Variants in PTCD1 observed in about 807,000 individuals in gnomAD.
The protein encoded by PTCD1 is pentatricopeptide repeat domain 1.
PTCD1 carries 50 observed loss-of-function variants against 53.4 expected under a neutral mutation model. The observed-to-expected ratio is 0.94, with a 90% CI of 0.75 to 1.19. PTCD1 has a LOEUF of 1.19. Among genes scored for constraint, PTCD1 ranks in the 50% most tolerant of loss-of-function variants. The pLI, the probability that PTCD1 is intolerant of heterozygous loss-of-function variation, is 0.00. For missense variants in PTCD1, 918 were observed against 904.8 expected (o/e 1.01, Z -0.19); for synonymous variants, 413 against 394.8 (o/e 1.05, Z -0.55).
At position 99,421,598 on chromosome 7, in the gene PTCD1, C is replaced by T. The variant is rs139819601; in HGVS notation, c.1921-1449G>A. 1.4e-3 allele frequency among the ~76,000 whole-genome samples: 211 copies of T among 148,392 alleles called. 1 individual carries two copies. Among genetic ancestry groups the T allele is most frequent in the African/African-American group, 5.1e-3 (203 of 40,092 alleles). On this transcript the variant is annotated intron_variant, in intron 7 of 7. Coordinates refer to ENST00000292478, the MANE Select transcript of PTCD1 (RefSeq NM_015545.4). ...TCTCTACTAAAAAAAAAAAAAAAAC[C>T]ACAAAAATTAGCCTGGTGTGGTGGC...
intron 5 of PTCD1, among the ~76,000 whole-genome samples, chr7:99,428,330 G>C (rs1796131368): frequency 6.7e-6 from 1 of 149,916 alleles, no homozygotes; most frequent in Non-Finnish European, 1.5e-5. Context: ...GTGAACCCAG[G>C]AGGTGGAGCT....
intron 3 of PTCD1, among the ~76,000 whole-genome samples, chr7:99,432,007 C>CGCCATTCTCCA (rs1245729749): frequency 6.6e-6 from 1 of 152,158 alleles, no homozygotes; most frequent in Non-Finnish European, 1.5e-5. Context: ...TAAAAGTCAT[C>CGCCATTCTCCA]GCCATTCTCC....
intron 3 of PTCD1, chr7:99,432,885 C>CA (rs1796316641): frequency 3.0e-6 from 1 of 330,498 alleles, no homozygotes; most frequent in South Asian, 2.6e-5. Context: ...CCCACCTCTA[C>CA]AAAAAACTTA....
At chr7:99,422,774 G>C (rs1795872262) in intron 7 of PTCD1, among the ~76,000 whole-genome samples, 1 of 152,152 alleles carries the variant, frequency 6.6e-6, no homozygotes, top group African/African-American at 2.4e-5. Flanking sequence ...GTACAGTAAA[G>C]AACCAGGCAA....
In PTCD1 at chr7:99,429,107, A is replaced by T. The variant is rs909616452; in HGVS notation, c.911T>A (p.Leu304His). Residue 304 changes from leucine (L) to histidine (H), a missense_variant, in exon 5 of 8, where the codon CTC (leucine) becomes CAC (histidine). Leu to His is a moderately conservative substitution (Grantham distance 99, BLOSUM62 -3). Coordinates refer to ENST00000292478, the MANE Select transcript of PTCD1 (RefSeq NM_015545.4). ...QDKKTGFRYA[L>H]QVWRLMLSLG... ...GGTGGGGTGGGAGGGACATACCTGG[A>T]GGGCGTACCGGAAGCCTGTCTTCTT... is the stretch of plus-strand genomic sequence containing the variant. 6.2e-7 allele frequency: 1 copy of T among 1,614,142 alleles called. No individual in the cohort carries two copies. The highest frequency in any genetic ancestry group is 8.5e-7 in the Non-Finnish European group (1 of 1,180,006).
At chr7:99,430,707 C>G (rs1170078818) in intron 3 of PTCD1, among the ~76,000 whole-genome samples, 2 of 152,240 alleles carry the variant, frequency 1.3e-5, no homozygotes, top group Non-Finnish European at 2.9e-5. Context: ...CTGGGGTTAG[C>G]AGAGCGGGCA....
chr7:99,438,312 A>G lies in PTCD1; in HGVS notation c.-27+380T>C, dbSNP rs867058911. 6.6e-5 allele frequency among the ~76,000 whole-genome samples: 8 copies of G among 121,218 alleles called. No homozygotes were observed. The South Asian group carries it at 2.2e-3, about 33-fold the overall frequency. 79.5% of individuals were successfully genotyped at this position (121,218 alleles called of 152,430 possible). ...CTACAAAAATTAAAAATAAAATTTT[A>G]AAAATTAGCCAAGTGTGGTGGTGCA... is the stretch of plus-strand genomic sequence containing the variant. On this transcript the variant is annotated intron_variant, in intron 1 of 7. Transcript: ENST00000292478.
intron 7 of PTCD1, among the ~76,000 whole-genome samples, chr7:99,420,819 T>C (rs1291236487): frequency 1.3e-5 from 2 of 152,082 alleles, no homozygotes; most frequent in African/African-American, 2.4e-5. Context: ...TGGCGGTGCA[T>C]GCCTGTAGCC....
chr7:99,427,461 C>T (rs1192687167), intron 5 of PTCD1, among the ~76,000 whole-genome samples: 1 of 150,066 alleles, frequency 6.7e-6, no homozygotes, highest in East Asian at 2.0e-4. Flanking sequence ...AGGCCAGCCG[C>T]CCCGTCCGGG....
chr7:99,434,768 C>A, intron 2 of PTCD1, 22 bp downstream of exon 2: 1 of 1,613,406 alleles, frequency 6.2e-7, no homozygotes, highest in Non-Finnish European at 8.5e-7. Flanking sequence ...CCAGGAGCCA[C>A]AGAACCCAAA....
intron 1 of PTCD1, among the ~76,000 whole-genome samples, chr7:99,436,520 C>T (rs1255578063): frequency 6.6e-6 from 1 of 152,068 alleles, no homozygotes; most frequent in African/African-American, 2.4e-5. Context: ...GAGGCTGAGG[C>T]AGGAGAATCA....
rs370702859 is a variant in PTCD1 at position 99,419,343 on chromosome 7, G to T, written c.*624C>A. On this transcript the variant is annotated 3_prime_UTR_variant, in exon 8 of 8. Coordinates refer to ENST00000292478, the MANE Select transcript of PTCD1 (RefSeq NM_015545.4). ...GTTGCCACATATGTGAGTGTGCAGG[G>T]GCGAGCGTGGCGCAGTGGCATCGTC... The T allele has an allele frequency of 2.2e-5, 36 of 1,606,052 alleles. No individual in the cohort carries two copies. The African/African-American group carries it at 3.7e-4, about 17-fold the overall frequency.
At position 99,418,547 on chromosome 7, in the gene PTCD1, A is replaced by G. The variant is rs1264749071; in HGVS notation, c.*1420T>C. 1 of 152,636 alleles carries G rather than the reference A, an allele frequency of 6.6e-6. No homozygotes were observed. The highest frequency in any genetic ancestry group is 1.5e-5 in the Non-Finnish European group (1 of 68,390). 9.5% of individuals were successfully genotyped at this position (152,636 alleles called of 1,614,324 possible). ...CCTTTATGCTGCAGTGAGACTGACA[A>G]TGGAGAGCTGTGGCTGGATGCTGAG... is the stretch of plus-strand genomic sequence containing the variant. On this transcript the variant is annotated 3_prime_UTR_variant, in exon 8 of 8. Transcript: ENST00000292478.
intron 5 of PTCD1, among the ~76,000 whole-genome samples, chr7:99,427,095 C>T (rs1196026012): frequency 4.0e-5 from 6 of 150,600 alleles, no homozygotes; most frequent in Admixed American, 3.9e-4. Context: ...GGGGGTCAGC[C>T]CCCGCCAGGC....
At chr7:99,424,713 G>T in intron 6 of PTCD1, 82 bp downstream of exon 6, 2 of 1,550,704 alleles carry the variant, frequency 1.3e-6, no homozygotes, top group Admixed American at 1.9e-5. Context: ...TGGGGGGTCT[G>T]CAGACCCCTC....
intron 3 of PTCD1, chr7:99,432,979 T>A (rs780561174): frequency 2.1e-6 from 1 of 469,768 alleles, no homozygotes; most frequent in Non-Finnish European, 3.9e-6. Context: ...AGCCAAGGAG[T>A]TGGAGGCTGC....
chr7:99,433,159 A>T (rs35183025), intron 3 of PTCD1, 119 bp downstream of exon 3: 135,394 of 1,492,998 alleles, frequency 0.091, 7,262 homozygotes, highest in African/African-American at 0.21. Flanking sequence ...TAAGGAGATG[A>T]CTCTGAGGCC....
intron 7 of PTCD1, among the ~76,000 whole-genome samples, chr7:99,423,380 G>C (rs917153): frequency 0.014 from 2,067 of 152,264 alleles, 85 homozygotes; most frequent in East Asian, 0.13. Context: ...GAGTGGGAAG[G>C]GGGAGGGGAG....
intron 6 of PTCD1, among the ~76,000 whole-genome samples, chr7:99,424,579 C>CCGGG (rs2150949458): frequency 6.6e-6 from 1 of 152,334 alleles, no homozygotes; most frequent in Non-Finnish European, 1.5e-5. Flanking sequence ...ATGGGAACAT[C>CCGGG]CGTGTGTCTC....
Sources: allele counts gnomAD v4.1 joint callset (sites outside exome capture counted in the v4.1 genomes callset), GRCh38; gene constraint gnomAD v4.1.1; transcripts MANE v1.5; gene names NCBI Gene and HGNC (gene_info 2026-07-23, HGNC 2026-07-21).